The following CDH13 variants were observed in gnomAD, a reference collection of about 807,000 sequenced individuals.
The protein encoded by CDH13 is cadherin 13.
CDH13 carries 24 observed loss-of-function variants against 63.8 expected under a neutral mutation model. The ratio of observed to expected loss-of-function variants is 0.38; its 90% CI spans 0.27 to 0.53. The LOEUF (loss-of-function observed/expected upper bound fraction) is 0.53, where lower values mean the gene tolerates loss of function less well. Among genes scored for constraint, CDH13 ranks in the 20% least tolerant of loss-of-function variants. CDH13 has a pLI of 0.85. For synonymous variants in CDH13, 503 were observed against 355.3 expected (o/e 1.42, Z -4.67); for missense variants, 1,049 against 903.1 (o/e 1.16, Z -2.07).
At chr16:83,713,527 C>T (rs1567541567) in intron 10 of CDH13, among the ~76,000 whole-genome samples, 1 of 150,798 alleles carries the variant, frequency 6.6e-6, no homozygotes, top group Non-Finnish European at 1.5e-5. Context: ...AAAAAAATTT[C>T]CTCTTCAAAT....
At chr16:82,905,894 C>G (rs1463153397) in intron 2 of CDH13, among the ~76,000 whole-genome samples, 1 of 152,128 alleles carries the variant, frequency 6.6e-6, no homozygotes, top group Non-Finnish European at 1.5e-5. Flanking sequence ...TACAGTGTGG[C>G]AAAAGTTTCT....
intron 1 of CDH13, among the ~76,000 whole-genome samples, chr16:82,840,593 G>A (rs1350843613): frequency 6.7e-6 from 1 of 148,962 alleles, no homozygotes; most frequent in African/African-American, 2.5e-5. Context: ...GCTGAGGCAG[G>A]AGAATCGCTT....
At chr16:83,104,220 G>A (rs759160172) in intron 3 of CDH13, among the ~76,000 whole-genome samples, 4 of 152,192 alleles carry the variant, frequency 2.6e-5, no homozygotes, top group Non-Finnish European at 5.9e-5. Context: ...AATATCAAAT[G>A]TGGAACTTTT....
At chr16:83,269,477 G>T (rs752419751) in intron 5 of CDH13, among the ~76,000 whole-genome samples, 1 of 151,992 alleles carries the variant, frequency 6.6e-6, no homozygotes, top group African/African-American at 2.4e-5. Flanking sequence ...CAGTCTGTTG[G>T]CAGAATAAAA....
rs189762295 is a variant in CDH13 at position 82,745,476 on chromosome 16, C to T, written c.46-112886C>T. Among the ~76,000 whole-genome samples, 656 of 152,166 alleles carry T rather than the reference C, an allele frequency of 4.3e-3. 6 individuals are homozygous for T. The highest frequency in any genetic ancestry group is 0.015 in the African/African-American group (609 of 41,512). On this transcript the variant is annotated intron_variant, in intron 1 of 13. Transcript: ENST00000567109. ...AAAATTAGCCGGGCATGGTGGCGGG[C>T]GCCTGTAACCCCAGCTACTCAGGAG...
intron 4 of CDH13, among the ~76,000 whole-genome samples, chr16:83,134,590 A>AGAGT (rs1198842153): frequency 8.1e-5 from 4 of 49,432 alleles, no homozygotes; most frequent in African/African-American, 4.3e-4. Flanking sequence ...AGAGAGAGAG[A>AGAGT]GAGTGAGTTA....
At position 83,102,296 on chromosome 16, in the gene CDH13, G is replaced by A. The variant is rs80323935; in HGVS notation, c.367-23089G>A. Among the ~76,000 whole-genome samples the A allele has an allele frequency of 8.1e-4, 124 of 152,288 alleles. 1 individual carries two copies. The East Asian group carries it at 0.019, about 23-fold the overall frequency. On this transcript the variant is annotated intron_variant, in intron 3 of 13. Coordinates refer to ENST00000567109, the MANE Select transcript of CDH13 (RefSeq NM_001257.5). ...TAATAAATGTGTGTTGTTTTAAGTC[G>A]CTGAGTTTGTTATGACTTGTTATAG...
intron 5 of CDH13, among the ~76,000 whole-genome samples, chr16:83,308,883 A>G (rs2089938512): frequency 1.3e-5 from 2 of 152,268 alleles, no homozygotes; most frequent in African/African-American, 2.4e-5. Flanking sequence ...AATGAAAACC[A>G]TCAACTAGAA....
At chr16:83,512,213 C>G (rs2074584962) in intron 7 of CDH13, among the ~76,000 whole-genome samples, 1 of 151,118 alleles carries the variant, frequency 6.6e-6, no homozygotes, top group Non-Finnish European at 1.5e-5. Context: ...CCCAGCTACT[C>G]GGGAGTTTGA....
chr16:83,278,048 A>G (rs1044100946), intron 5 of CDH13, among the ~76,000 whole-genome samples: 1 of 152,182 alleles, frequency 6.6e-6, no homozygotes, highest in South Asian at 2.1e-4. Flanking sequence ...CCTATTCTCC[A>G]AGAAGGCCAA....
chr16:83,620,389 C>CAAAAAAAAA (rs60446363), intron 8 of CDH13, among the ~76,000 whole-genome samples: 1 of 97,364 alleles, frequency 1.0e-5, no homozygotes, highest in Non-Finnish European at 2.0e-5. Flanking sequence ...GACTCCGTCT[C>CAAAAAAAAA]AAAAAAAAAA....
intron 5 of CDH13, among the ~76,000 whole-genome samples, chr16:83,335,980 T>C (rs4782774): frequency 0.99 from 150,921 of 152,108 alleles, 74,881 homozygotes; most frequent in Middle Eastern, 1. Context: ...GCTTGTCCTG[T>C]TACAGCCCTA....
intron 1 of CDH13, among the ~76,000 whole-genome samples, chr16:82,782,163 T>A (rs1045931706): frequency 1.3e-5 from 2 of 152,088 alleles, no homozygotes; most frequent in African/African-American, 2.4e-5. Flanking sequence ...TATGGTGGTA[T>A]TATTAGGGCA....
At chr16:83,388,140 G>A (rs78873397) in intron 6 of CDH13, among the ~76,000 whole-genome samples, 16,167 of 151,962 alleles carry the variant, frequency 0.11, 1,126 homozygotes, top group Non-Finnish European at 0.15. Context: ...GGACTGTGCA[G>A]TGTTTTATAA....
chr16:83,733,521 T>A (rs1271422157), intron 10 of CDH13, among the ~76,000 whole-genome samples: 1 of 152,104 alleles, frequency 6.6e-6, no homozygotes, highest in Non-Finnish European at 1.5e-5. Flanking sequence ...CAGACCACAT[T>A]CACTGAGCTT....
intron 5 of CDH13, among the ~76,000 whole-genome samples, chr16:83,303,168 T>C (rs2089790208): frequency 6.6e-6 from 1 of 152,216 alleles, no homozygotes; most frequent in Admixed American, 6.5e-5. Context: ...TGGGCCAGTG[T>C]TGGGGCCAAG....
chr16:83,626,636 G>A (rs1316628978), intron 8 of CDH13, among the ~76,000 whole-genome samples: 1 of 151,804 alleles, frequency 6.6e-6, no homozygotes, highest in Non-Finnish European at 1.5e-5. Context: ...TGAACTCAAC[G>A]TTGTCCTCTG....
intron 3 of CDH13, among the ~76,000 whole-genome samples, chr16:83,070,375 G>T (rs536312159): frequency 3.3e-5 from 5 of 152,270 alleles, no homozygotes; most frequent in South Asian, 2.1e-4. Flanking sequence ...TGGATTAAAT[G>T]ATAACAAAAA....
chr16:83,118,236 G>A (rs754623357), intron 3 of CDH13, among the ~76,000 whole-genome samples: 4 of 152,188 alleles, frequency 2.6e-5, no homozygotes, highest in Non-Finnish European at 5.9e-5. Context: ...ACACCTCTGC[G>A]TGCCTACGTC....
Sources: gnomAD v4.1 joint callset for allele counts (sites outside exome capture counted in the v4.1 genomes callset) on GRCh38, gnomAD v4.1.1 for gene constraint, MANE v1.5 for transcripts, NCBI Gene and HGNC (gene_info 2026-07-23, HGNC 2026-07-21) for gene names.